The following PTPRD variants were observed in gnomAD, a reference collection of about 807,000 sequenced individuals.
The protein encoded by PTPRD is receptor-type tyrosine-protein phosphatase delta.
Under a neutral mutation model 214.5 loss-of-function variants are expected in PTPRD, and 34 were observed. That is an observed-to-expected ratio of 0.16 (90% CI 0.12 to 0.21). The LOEUF is 0.21. Among genes scored for constraint, PTPRD ranks in the 10% least tolerant of loss-of-function variants. The pLI, the probability that PTPRD is intolerant of heterozygous loss-of-function variation, is 1.00. For synonymous variants in PTPRD, 1,128 were observed against 845.7 expected (o/e 1.33, Z -5.79); for missense variants, 2,545 against 2,398.7 (o/e 1.06, Z -1.27).
chr9:9,327,324 C>G (rs1032258646), intron 9 of PTPRD, among the ~76,000 whole-genome samples: 1 of 152,140 alleles, frequency 6.6e-6, no homozygotes, highest in African/African-American at 2.4e-5. Context: ...TCTTGATAAG[C>G]AATCAAAGTA....
At chr9:10,406,397 AT>A (rs2154501406) in intron 2 of PTPRD, among the ~76,000 whole-genome samples, 1 of 151,710 alleles carries the variant, frequency 6.6e-6, no homozygotes, top group Admixed American at 6.6e-5. Flanking sequence ...AATAGTAAGA[AT>A]GTATGTCATG....
At position 9,992,902 on chromosome 9, in the gene PTPRD, T is replaced by C. The variant is rs921492619; in HGVS notation, c.-472+40816A>G. Reference sequence around the variant, plus strand: ...CAACATGGCACATGTATACATATGTTACAAACCTGCACGTTGTGCACATGT... The same window carrying C: ...CAACATGGCACATGTATACATATGTCACAAACCTGCACGTTGTGCACATGT... On this transcript the variant is annotated intron_variant, in intron 4 of 45. Coordinates refer to ENST00000381196, the MANE Select transcript of PTPRD (RefSeq NM_002839.4). Among the ~76,000 whole-genome samples, 3 of 152,046 alleles carry C rather than the reference T, an allele frequency of 2.0e-5. 1 individual carries two copies. The South Asian group carries it at 6.2e-4, about 32-fold the overall frequency.
chr9:9,014,568 C>T (rs993645774), intron 11 of PTPRD, among the ~76,000 whole-genome samples: 5 of 152,092 alleles, frequency 3.3e-5, no homozygotes, highest in East Asian at 1.9e-4. Context: ...AGGAATAATC[C>T]GAAGAGGAAA....
chr9:10,372,545 C>T (rs1346319161), intron 2 of PTPRD, among the ~76,000 whole-genome samples: 2 of 152,050 alleles, frequency 1.3e-5, no homozygotes, highest in Non-Finnish European at 2.9e-5. Context: ...CTGCCATTAA[C>T]ACTTTTCATA....
At chr9:10,479,846 T>G (rs1470278257) in intron 2 of PTPRD, among the ~76,000 whole-genome samples, 1 of 151,882 alleles carries the variant, frequency 6.6e-6, no homozygotes, top group Non-Finnish European at 1.5e-5. Context: ...CGCGGAGCTG[T>G]GGTGCTGAAA....
chr9:8,856,987 A>T (rs1300422584), intron 11 of PTPRD, among the ~76,000 whole-genome samples: 2 of 152,204 alleles, frequency 1.3e-5, no homozygotes, highest in East Asian at 3.9e-4. Flanking sequence ...ATTGTTTCTT[A>T]CAACTTTGAC....
chr9:9,747,531 T>A (rs1487802421), intron 6 of PTPRD, among the ~76,000 whole-genome samples: 1 of 108,768 alleles, frequency 9.2e-6, no homozygotes, highest in Admixed American at 1.3e-4. Context: ...GGTGACTGAA[T>A]CTTTTTTGTT....
chr9:9,778,715 G>A (rs558566310), intron 5 of PTPRD, among the ~76,000 whole-genome samples: 3 of 152,202 alleles, frequency 2.0e-5, no homozygotes, highest in Admixed American at 6.5e-5. Context: ...CCTGGTGACC[G>A]AGAATTACAT....
At chr9:8,855,781 C>G (rs559498631) in intron 11 of PTPRD, among the ~76,000 whole-genome samples, 44 of 152,262 alleles carry the variant, frequency 2.9e-4, no homozygotes, top group Middle Eastern at 6.8e-3. Flanking sequence ...CCATTAATCC[C>G]CCATCCCCTT....
chr9:9,761,890 T>G (rs1466856305), intron 6 of PTPRD, among the ~76,000 whole-genome samples: 1 of 152,212 alleles, frequency 6.6e-6, no homozygotes, highest in African/African-American at 2.4e-5. Flanking sequence ...TTTGATCATG[T>G]TTGCAAAATA....
Position 9,677,798 on chromosome 9 carries a change from A to G in PTPRD, c.-287+56735T>C, listed in dbSNP as rs148840750. Among the ~76,000 whole-genome samples, 816 of 152,242 alleles carry G rather than the reference A, an allele frequency of 5.4e-3. 5 individuals carry two copies. Among genetic ancestry groups the G allele is most frequent in the Non-Finnish European group, 8.3e-3 (563 of 68,020 alleles). Reference sequence around the variant, plus strand: ...CAAATCGTCCCTGTTTGCAGATGACATGATTGTATATCTAGAAAACCCTAT... The same window carrying G: ...CAAATCGTCCCTGTTTGCAGATGACGTGATTGTATATCTAGAAAACCCTAT... On this transcript the variant is annotated intron_variant, in intron 7 of 45. Coordinates refer to ENST00000381196, the MANE Select transcript of PTPRD (RefSeq NM_002839.4).
intron 8 of PTPRD, among the ~76,000 whole-genome samples, chr9:9,472,915 A>G (rs1485438770): frequency 1.3e-5 from 2 of 152,218 alleles, no homozygotes; most frequent in Non-Finnish European, 2.9e-5. Flanking sequence ...AAGGTGTAAT[A>G]ATCAAATCAG....
intron 7 of PTPRD, among the ~76,000 whole-genome samples, chr9:9,633,711 G>T (rs2095664771): frequency 6.6e-6 from 1 of 152,128 alleles, no homozygotes; most frequent in Non-Finnish European, 1.5e-5. Context: ...TAGTTATAGG[G>T]TAAGGCTCAA....
chr9:9,968,480 A>T (rs963118836), intron 4 of PTPRD, among the ~76,000 whole-genome samples: 17 of 152,234 alleles, frequency 1.1e-4, no homozygotes, highest in Admixed American at 2.0e-4. Context: ...ATTAGCTATA[A>T]AGAATTAAAT....
chr9:9,630,458 C>T (rs891221657), intron 7 of PTPRD, among the ~76,000 whole-genome samples: 1 of 152,180 alleles, frequency 6.6e-6, no homozygotes, highest in African/African-American at 2.4e-5. Flanking sequence ...GAAGGTACAG[C>T]ACTAGCCTGA....
intron 9 of PTPRD, among the ~76,000 whole-genome samples, chr9:9,289,980 T>C (rs1258601803): frequency 6.6e-6 from 1 of 151,744 alleles, no homozygotes; most frequent in Non-Finnish European, 1.5e-5. Context: ...ACCCAGAAAT[T>C]AGGTTGTTGA....
chr9:10,424,960 G>A (rs1007941829), intron 2 of PTPRD, among the ~76,000 whole-genome samples: 1 of 151,942 alleles, frequency 6.6e-6, no homozygotes, highest in Non-Finnish European at 1.5e-5. Context: ...TTACTTTAGT[G>A]TTGCATTCCA....
chr9:9,332,617 T>C (rs1321840981), intron 9 of PTPRD, among the ~76,000 whole-genome samples: 1 of 150,916 alleles, frequency 6.6e-6, no homozygotes, highest in Non-Finnish European at 1.5e-5. Flanking sequence ...TGGGAGTCTC[T>C]CCCCAGGATT....
At chr9:8,853,736 C>T (rs1268396841) in intron 11 of PTPRD, among the ~76,000 whole-genome samples, 3 of 152,186 alleles carry the variant, frequency 2.0e-5, no homozygotes, top group Non-Finnish European at 4.4e-5. Flanking sequence ...TAACTCTTCT[C>T]TTTGCTCTTT....
Sources: gnomAD v4.1 joint callset for allele counts (sites outside exome capture counted in the v4.1 genomes callset) on GRCh38, gnomAD v4.1.1 for gene constraint, MANE v1.5 for transcripts, NCBI Gene and HGNC (gene_info 2026-07-23, HGNC 2026-07-21) for gene names.